Variants in ARHGAP31 observed in about 807,000 individuals in gnomAD.
ARHGAP31 encodes the protein rho GTPase-activating protein 31.
In ARHGAP31, 34 loss-of-function variants were observed where a neutral mutation model predicts 113.9. That is an observed-to-expected ratio of 0.30 (90% CI 0.23 to 0.40). The LOEUF (loss-of-function observed/expected upper bound fraction) is 0.40, where lower values mean the gene tolerates loss of function less well. ARHGAP31 is among the 10% of genes least tolerant of loss of function. ARHGAP31 has a pLI of 1.00. For missense variants in ARHGAP31, 1,548 were observed against 1,767.1 expected (o/e 0.88, Z 2.22); for synonymous variants, 650 against 684.8 (o/e 0.95, Z 0.79).
chr3:119,385,267 C>A (rs1397256644), intron 6 of ARHGAP31, among the ~76,000 whole-genome samples: 1 of 151,792 alleles, frequency 6.6e-6, no homozygotes, highest in Admixed American at 6.6e-5. Context: ...TCAAGGTTTA[C>A]CAATCTTGTT....
At chr3:119,322,490 C>T (rs2079797426) in intron 1 of ARHGAP31, 1 of 152,464 alleles carries the variant, frequency 6.6e-6, no homozygotes, top group Admixed American at 6.5e-5. Context: ...AGCTGTGTTC[C>T]CCATGGTTTG....
At chr3:119,408,530 A>G (rs997972471) in intron 10 of ARHGAP31, among the ~76,000 whole-genome samples, 3 of 152,202 alleles carry the variant, frequency 2.0e-5, no homozygotes, top group Non-Finnish European at 4.4e-5. Flanking sequence ...AGACACTGCT[A>G]TATGCTTTGT....
chr3:119,322,693 G>A (rs1308232631), intron 1 of ARHGAP31: 1 of 152,688 alleles, frequency 6.5e-6, no homozygotes, highest in African/African-American at 2.4e-5. Flanking sequence ...GGCGGGGAAG[G>A]GGGTGCTGCT....
At chr3:119,339,557 G>A (rs2079989607) in intron 1 of ARHGAP31, among the ~76,000 whole-genome samples, 1 of 152,056 alleles carries the variant, frequency 6.6e-6, no homozygotes, top group South Asian at 2.1e-4. Flanking sequence ...AGAACACATA[G>A]ATCAAAGTAA....
At chr3:119,356,301 A>G (rs1482639143) in intron 1 of ARHGAP31, among the ~76,000 whole-genome samples, 4 of 152,176 alleles carry the variant, frequency 2.6e-5, no homozygotes, top group Non-Finnish European at 2.9e-5. Flanking sequence ...ATAGATGTGC[A>G]TATTTAATCT....
chr3:119,404,795 G>GA (rs964587496), intron 10 of ARHGAP31, among the ~76,000 whole-genome samples: 4 of 152,124 alleles, frequency 2.6e-5, no homozygotes, highest in Non-Finnish European at 5.9e-5. Context: ...TACTCTGAAT[G>GA]AAAAAATTGA....
intron 1 of ARHGAP31, among the ~76,000 whole-genome samples, chr3:119,321,382 A>G (rs1321051130): frequency 1.3e-5 from 2 of 148,242 alleles, no homozygotes; most frequent in East Asian, 3.9e-4. Flanking sequence ...TTAATAATAC[A>G]TGCTTATCCT....
At chr3:119,339,588 C>T (rs1238790228) in intron 1 of ARHGAP31, among the ~76,000 whole-genome samples, 1 of 152,150 alleles carries the variant, frequency 6.6e-6, no homozygotes, top group Non-Finnish European at 1.5e-5. Context: ...AATCCATTAA[C>T]TCCCTCCGAC....
chr3:119,378,157 G>T (rs2080364719), intron 3 of ARHGAP31, among the ~76,000 whole-genome samples: 1 of 152,138 alleles, frequency 6.6e-6, no homozygotes, highest in Non-Finnish European at 1.5e-5. Flanking sequence ...TCTTGGCCTG[G>T]CTAATGCTGA....
chr3:119,312,266 T>C (rs1439076732), intron 1 of ARHGAP31, among the ~76,000 whole-genome samples: 1 of 152,242 alleles, frequency 6.6e-6, no homozygotes, highest in Non-Finnish European at 1.5e-5. Context: ...AAAATGTACC[T>C]GGGGCAATTC....
At chr3:119,359,705 G>A (rs1490270088) in intron 1 of ARHGAP31, among the ~76,000 whole-genome samples, 1 of 152,078 alleles carries the variant, frequency 6.6e-6, no homozygotes, top group African/African-American at 2.4e-5. Context: ...ACAAAGAACA[G>A]AGGCTGGCAG....
intron 2 of ARHGAP31, 50 bp from the exon 3 acceptor site, chr3:119,368,322 T>C (rs751000567): frequency 4.3e-6 from 7 of 1,612,330 alleles, no homozygotes; most frequent in Non-Finnish European, 5.9e-6. Flanking sequence ...GCTGCTGACA[T>C]GGAACACACA....
chr3:119,345,372 C>T (rs1229229321), intron 1 of ARHGAP31, among the ~76,000 whole-genome samples: 1 of 152,158 alleles, frequency 6.6e-6, no homozygotes, highest in Non-Finnish European at 1.5e-5. Context: ...AGCAGGTGTC[C>T]TCTGGAGCTG....
At chr3:119,412,928 G>T (rs1322437432) in intron 11 of ARHGAP31, among the ~76,000 whole-genome samples, 1 of 152,020 alleles carries the variant, frequency 6.6e-6, no homozygotes, top group East Asian at 1.9e-4. Context: ...TGAGGCAGGA[G>T]AATTGCTTGA....
chr3:119,404,245 T>C (rs1384795127), intron 10 of ARHGAP31, among the ~76,000 whole-genome samples: 2 of 152,096 alleles, frequency 1.3e-5, no homozygotes, highest in Non-Finnish European at 2.9e-5. Flanking sequence ...CCCCATGGGG[T>C]CTTTTAGAGA....
intron 6 of ARHGAP31, among the ~76,000 whole-genome samples, chr3:119,387,034 C>T (rs893829984): frequency 1.3e-5 from 2 of 152,142 alleles, no homozygotes; most frequent in East Asian, 3.9e-4. Context: ...TAACTGCGGG[C>T]GAGCCTGACT....
At chr3:119,394,387 G>A (rs1306177570) in intron 8 of ARHGAP31, among the ~76,000 whole-genome samples, 1 of 152,150 alleles carries the variant, frequency 6.6e-6, no homozygotes, top group Non-Finnish European at 1.5e-5. Context: ...AAAGAAGGAT[G>A]CTACCCCATG....
intron 1 of ARHGAP31, among the ~76,000 whole-genome samples, chr3:119,350,842 A>G (rs995425973): frequency 6.6e-6 from 1 of 152,202 alleles, no homozygotes; most frequent in Non-Finnish European, 1.5e-5. Context: ...CAAACAAAAA[A>G]TTACCCTAAT....
chr3:119,375,074 T>C (rs2107627652), intron 3 of ARHGAP31, among the ~76,000 whole-genome samples: 1 of 152,280 alleles, frequency 6.6e-6, no homozygotes, highest in Non-Finnish European at 1.5e-5. Flanking sequence ...TTCTGGGTGA[T>C]GTGATAATAG....
Sources: gnomAD v4.1 joint callset for allele counts (sites outside exome capture counted in the v4.1 genomes callset) on GRCh38, gnomAD v4.1.1 for gene constraint, MANE v1.5 for transcripts, NCBI Gene and HGNC (gene_info 2026-07-23, HGNC 2026-07-21) for gene names.